The following OR56A3 variants were observed in gnomAD, a reference collection of about 807,000 sequenced individuals.
OR56A3 encodes the protein olfactory receptor 56A3.
Under a neutral mutation model 17.5 loss-of-function variants are expected in OR56A3, and 23 were observed. That is an observed-to-expected ratio of 1.32 (90% CI 0.95 to 1.87). The LOEUF is 1.87. Among genes scored for constraint, OR56A3 ranks in the 40% most tolerant of loss-of-function variants. The pLI, the probability that OR56A3 is intolerant of heterozygous loss-of-function variation, is 0.00. For synonymous variants in OR56A3, 175 were observed against 150.6 expected, an observed-to-expected ratio of 1.16 and a Z score of -1.19; for missense variants, 366 against 380.1, an observed-to-expected ratio of 0.96 and a Z score of 0.31.
the OR56A3 span, among the ~76,000 whole-genome samples, chr11:5,978,038 G>A: frequency 2.0e-5 from 3 of 152,106 alleles, no homozygotes; most frequent in East Asian, 5.8e-4. Flanking sequence ...TTATTTCTGG[G>A]TTTTGTAATC....
At chr11:5,991,528 G>C in the OR56A3 span, among the ~76,000 whole-genome samples, 1 of 152,142 alleles carries the variant, frequency 6.6e-6, no homozygotes, top group Non-Finnish European at 1.5e-5. Flanking sequence ...AGTCAGGCCA[G>C]GAGAGAACAA....
At chr11:5,953,314 G>GC (rs1201083463), downstream of OR56A3, among the ~76,000 whole-genome samples, 1 of 152,062 alleles carries the variant, frequency 6.6e-6, no homozygotes, top group Non-Finnish European at 1.5e-5. Context: ...GCCAATACCT[G>GC]TTGTTTTTTT....
chr11:5,980,215 G>A, the OR56A3 span, among the ~76,000 whole-genome samples: 2 of 152,096 alleles, frequency 1.3e-5, no homozygotes, highest in African/African-American at 2.4e-5. Context: ...TTATTCAAGT[G>A]TTGAGTTTAG....
chr11:5,993,184 C>T, the OR56A3 span, among the ~76,000 whole-genome samples: 10 of 152,258 alleles, frequency 6.6e-5, no homozygotes, highest in Middle Eastern at 3.4e-3. Flanking sequence ...TTTTAGTACT[C>T]AGGAACTGAG....
chr11:6,002,454 CAG>C, the OR56A3 span: 1 of 1,614,238 alleles, frequency 6.2e-7, no homozygotes, highest in East Asian at 2.2e-5. Flanking sequence ...ACTGCAGATG[CAG>C]TTCTTGATTA....
the OR56A3 span, among the ~76,000 whole-genome samples, chr11:5,962,960 C>T: frequency 4.6e-5 from 7 of 152,122 alleles, no homozygotes; most frequent in African/African-American, 1.2e-4. Context: ...TCAATTTCTT[C>T]GAGATTAACT....
the OR56A3 span, among the ~76,000 whole-genome samples, chr11:5,981,152 A>T: frequency 6.6e-6 from 1 of 152,148 alleles, no homozygotes; most frequent in African/African-American, 2.4e-5. Context: ...GAGGATGGTC[A>T]TCTTGTAGAG....
the OR56A3 span, chr11:5,994,123 A>G: frequency 1.4e-5 from 7 of 495,884 alleles, no homozygotes; most frequent in Admixed American, 4.6e-5. Flanking sequence ...GGTCTCTGCC[A>G]GCTCCGACTC....
the OR56A3 span, chr11:6,021,431 T>C: frequency 6.6e-6 from 1 of 152,052 alleles, no homozygotes; most frequent in Non-Finnish European, 1.5e-5. Context: ...ATGATAAATG[T>C]TTGAGATGAT....
At chr11:6,002,964 G>T in the OR56A3 span, 3 of 1,614,012 alleles carry the variant, frequency 1.9e-6, no homozygotes, top group Non-Finnish European at 2.5e-6. Context: ...AGAGACTGGG[G>T]CAGTGGAGTC....
the OR56A3 span, among the ~76,000 whole-genome samples, chr11:5,956,884 C>T: frequency 1.2e-3 from 180 of 152,240 alleles, no homozygotes; most frequent in African/African-American, 4.0e-3. Flanking sequence ...AGGCCTGGCG[C>T]GGTGTCTCAC....
the OR56A3 span, among the ~76,000 whole-genome samples, chr11:5,997,497 C>T: frequency 1.3e-5 from 2 of 152,308 alleles, no homozygotes; most frequent in Non-Finnish European, 2.9e-5. Flanking sequence ...CTCCCCACAG[C>T]CCACCAGGGC....
chr11:5,972,936 A>G, the OR56A3 span, among the ~76,000 whole-genome samples: 1 of 152,204 alleles, frequency 6.6e-6, no homozygotes, highest in African/African-American at 2.4e-5. Flanking sequence ...TCAATTCTGC[A>G]TCTGACTACT....
chr11:6,015,017 G>GAAAAAAAAAAAAAAAAAAAA, the OR56A3 span, among the ~76,000 whole-genome samples: 1 of 39,546 alleles, frequency 2.5e-5, no homozygotes, highest in African/African-American at 8.0e-5. Flanking sequence ...AAAAAAAAAT[G>GAAAAAAAAAAAAAAAAAAAA]ACCTGAAACT....
At chr11:6,017,489 G>T in the OR56A3 span, among the ~76,000 whole-genome samples, 1 of 152,172 alleles carries the variant, frequency 6.6e-6, no homozygotes, top group Non-Finnish European at 1.5e-5. Context: ...AAACCTTACA[G>T]GTCAGGAGAG....
the OR56A3 span, among the ~76,000 whole-genome samples, chr11:5,971,383 C>T: frequency 6.6e-6 from 1 of 152,166 alleles, no homozygotes; most frequent in African/African-American, 2.4e-5. Context: ...AGATTCTTTC[C>T]TTAACTTGTG....
At chr11:6,017,559 C>T in the OR56A3 span, among the ~76,000 whole-genome samples, 4 of 152,148 alleles carry the variant, frequency 2.6e-5, no homozygotes, top group Admixed American at 6.5e-5. Context: ...AAACCACCCT[C>T]ATAATTCAAT....
chr11:5,944,090 G>C (rs4319497), intron 1 of OR56A3, among the ~76,000 whole-genome samples: 109,239 of 152,042 alleles, frequency 0.72, 39,329 homozygotes, highest in African/African-American at 0.77. Flanking sequence ...GTCACCAACT[G>C]GAGGCTGGAA....
chr11:5,962,776 G>T, the OR56A3 span, among the ~76,000 whole-genome samples: 1 of 152,064 alleles, frequency 6.6e-6, no homozygotes, highest in Non-Finnish European at 1.5e-5. Flanking sequence ...CTGACCTCAT[G>T]ATTCACCCGC....
Sources: allele counts gnomAD v4.1 joint callset (sites outside exome capture counted in the v4.1 genomes callset), GRCh38; gene constraint gnomAD v4.1.1; transcripts MANE v1.5; gene names NCBI Gene and HGNC (gene_info 2026-07-23, HGNC 2026-07-21).